Variants in DNER observed in about 807,000 individuals in gnomAD.
DNER encodes the protein delta/notch like EGF repeat containing, also known as delta and Notch-like epidermal growth factor-related receptor.
A neutral mutation model predicts 78.2 loss-of-function variants in DNER; 33 were observed. The ratio of observed to expected loss-of-function variants is 0.42; its 90% CI spans 0.32 to 0.56. DNER has a LOEUF of 0.56. Ranked by LOEUF, DNER falls within the 20% of genes least tolerant of loss-of-function variation. DNER has a pLI of 0.11. For synonymous variants in DNER, 417 were observed against 384.8 expected, an observed-to-expected ratio of 1.08 and a Z score of -0.98; for missense variants, 918 against 975.3, an observed-to-expected ratio of 0.94 and a Z score of 0.78.
At chr2:229,613,025 G>A (rs192444498) in intron 1 of DNER, among the ~76,000 whole-genome samples, 14 of 152,318 alleles carry the variant, frequency 9.2e-5, no homozygotes, top group African/African-American at 3.1e-4. Context: ...AATCGCACTT[G>A]CATCCTCATT....
chr2:229,585,614 C>G (rs966062563), intron 4 of DNER, among the ~76,000 whole-genome samples: 1 of 151,004 alleles, frequency 6.6e-6, no homozygotes, highest in Non-Finnish European at 1.5e-5. Flanking sequence ...GAGCCAAGAT[C>G]GCGCCAGTGC....
At chr2:229,461,271 T>C (rs1574853769) in intron 7 of DNER, among the ~76,000 whole-genome samples, 1 of 152,106 alleles carries the variant, frequency 6.6e-6, no homozygotes, top group Admixed American at 6.5e-5. Context: ...CTCTCTGCAT[T>C]GTCCTGTTCC....
intron 4 of DNER, among the ~76,000 whole-genome samples, chr2:229,576,903 C>T (rs1343148856): frequency 6.6e-6 from 1 of 152,136 alleles, no homozygotes; most frequent in African/African-American, 2.4e-5. Context: ...AGGAAAGACA[C>T]AGCCCCAATC....
At chr2:229,536,088 A>G (rs1696398285) in intron 5 of DNER, among the ~76,000 whole-genome samples, 1 of 152,356 alleles carries the variant, frequency 6.6e-6, no homozygotes. Flanking sequence ...GTGGGTGCAG[A>G]GGACCGAACA....
chr2:229,482,773 T>G (rs12465019), intron 6 of DNER, among the ~76,000 whole-genome samples: 19,026 of 151,942 alleles, frequency 0.13, 1,333 homozygotes, highest in South Asian at 0.2. Flanking sequence ...ACCAGTGGAG[T>G]TATAGTGGAA....
intron 1 of DNER, among the ~76,000 whole-genome samples, chr2:229,631,473 A>G (rs1420877486): frequency 6.6e-6 from 1 of 152,242 alleles, no homozygotes; most frequent in Non-Finnish European, 1.5e-5. Context: ...CTGGAGGAAG[A>G]CACTTCACAT....
chr2:229,372,569 A>T (rs1692509942), intron 11 of DNER, among the ~76,000 whole-genome samples: 1 of 152,220 alleles, frequency 6.6e-6, no homozygotes, highest in Admixed American at 6.5e-5. Context: ...AGGATAGGGC[A>T]GTGTGGCCTT....
At chr2:229,526,939 A>G (rs1263460401) in intron 5 of DNER, among the ~76,000 whole-genome samples, 31 of 152,232 alleles carry the variant, frequency 2.0e-4, no homozygotes, top group Non-Finnish European at 2.9e-5. Context: ...CACACACTGC[A>G]GCAAAAGCCA....
intron 1 of DNER, among the ~76,000 whole-genome samples, chr2:229,688,306 G>A (rs977000903): frequency 2.0e-5 from 3 of 152,184 alleles, no homozygotes; most frequent in Admixed American, 2.0e-4. Flanking sequence ...ATCAACAGAC[G>A]GACGCATGGA....
intron 5 of DNER, among the ~76,000 whole-genome samples, chr2:229,516,623 A>G (rs1236610549): frequency 6.6e-6 from 1 of 152,116 alleles, no homozygotes; most frequent in Non-Finnish European, 1.5e-5. Flanking sequence ...CCATTTGTAC[A>G]TTAATGAAAC....
chr2:229,694,555 C>G (rs1163004893), intron 1 of DNER, among the ~76,000 whole-genome samples: 4 of 152,214 alleles, frequency 2.6e-5, no homozygotes, highest in Non-Finnish European at 4.4e-5. Context: ...CCTCTTGCAT[C>G]AGCATGACCT....
chr2:229,688,538 A>C (rs1452405643), intron 1 of DNER, among the ~76,000 whole-genome samples: 1 of 152,216 alleles, frequency 6.6e-6, no homozygotes, highest in East Asian at 1.9e-4. Context: ...ATGCCGCTAG[A>C]TAATGGGCTT....
At chr2:229,647,495 T>C (rs1370624895) in intron 1 of DNER, among the ~76,000 whole-genome samples, 1 of 152,242 alleles carries the variant, frequency 6.6e-6, no homozygotes, top group Non-Finnish European at 1.5e-5. Flanking sequence ...TGGAAATAGA[T>C]ATCAAAAACT....
rs1189801764 is a variant in DNER at position 229,714,257 on chromosome 2, C to T, written c.167G>A (p.Gly56Glu). The change falls in exon 1 of 13, where the codon GGG (glycine) becomes GAG (glutamate). Residue 56 changes from glycine to glutamate, a missense_variant. Physicochemically the swap from Gly to Glu is moderately conservative, Grantham distance 98. Transcript: ENST00000341772. ...GPCAAQPCRN[G>E]GVCTSRPEPD... is the part of the protein sequence containing the mutation. The stretch of plus-strand genomic sequence containing the variant: ...CTCAGGGCGCGAGGTGCACACACCC[C>T]CATTCCGGCAGGGCTGCGCGGCGCA... The T allele has an allele frequency of 4.3e-6, 6 of 1,410,226 alleles. No individual in the cohort carries two copies. Among genetic ancestry groups the T allele is most frequent in the Non-Finnish European group, 5.5e-6 (6 of 1,083,930 alleles). 87.4% of individuals were successfully genotyped at this position (1,410,226 alleles called of 1,614,324 possible).
chr2:229,555,312 T>C (rs1696836374), intron 4 of DNER, among the ~76,000 whole-genome samples: 1 of 152,182 alleles, frequency 6.6e-6, no homozygotes, highest in Admixed American at 6.5e-5. Context: ...TCTTCCTTTA[T>C]GGCCCTGAAC....
chr2:229,564,513 T>C (rs1222360026), intron 4 of DNER, among the ~76,000 whole-genome samples: 2 of 146,716 alleles, frequency 1.4e-5, no homozygotes, highest in Non-Finnish European at 3.0e-5. Flanking sequence ...ATCATCATCA[T>C]CCTCCTTACC....
chr2:229,387,691 T>C (rs1354871211), intron 11 of DNER, among the ~76,000 whole-genome samples: 2 of 152,150 alleles, frequency 1.3e-5, no homozygotes, highest in African/African-American at 4.8e-5. Context: ...GATTAAGACA[T>C]TTATCAAACT....
intron 6 of DNER, among the ~76,000 whole-genome samples, chr2:229,492,045 G>A (rs1209906754): frequency 6.6e-6 from 1 of 151,702 alleles, no homozygotes; most frequent in Non-Finnish European, 1.5e-5. Flanking sequence ...ATACACAAAT[G>A]CATATGCATA....
chr2:229,417,977 AT>A (rs1428396677), intron 9 of DNER, 130 bp downstream of exon 9: 1 of 1,460,308 alleles, frequency 6.8e-7, no homozygotes, highest in African/African-American at 1.4e-5. Flanking sequence ...CCGATTAATC[AT>A]GCCAGCTTCA....
Sources: gnomAD v4.1 joint callset for allele counts (sites outside exome capture counted in the v4.1 genomes callset) on GRCh38, gnomAD v4.1.1 for gene constraint, MANE v1.5 for transcripts, NCBI Gene and HGNC (gene_info 2026-07-23, HGNC 2026-07-21) for gene names.